The following RASSF4 variants were observed in gnomAD, a reference collection of about 807,000 sequenced individuals.
The protein encoded by RASSF4 is Ras association domain family member 4, also known as ras association domain-containing protein 4.
A neutral mutation model predicts 41.1 loss-of-function variants in RASSF4; 38 were observed. That is an observed-to-expected ratio of 0.92 (90% confidence interval 0.71 to 1.21). The LOEUF (loss-of-function observed/expected upper bound fraction) is 1.21, where lower values mean the gene tolerates loss of function less well. Ranked by LOEUF, RASSF4 falls within the 50% of genes most tolerant of loss-of-function variation. The probability of loss-of-function intolerance (pLI) is 0.00; values close to 1 mark genes in which losing one functional copy is unlikely to be tolerated. For missense variants in RASSF4, 414 were observed against 419.4 expected (o/e 0.99, Z 0.11); for synonymous variants, 179 against 163.4 (o/e 1.10, Z -0.73).
intron 6 of RASSF4, among the ~76,000 whole-genome samples, chr10:44,987,126 G>A (rs961148947): frequency 6.6e-6 from 1 of 152,118 alleles, no homozygotes; most frequent in Non-Finnish European, 1.5e-5. Flanking sequence ...TTTTATTTGA[G>A]ATGGAGTCTC....
In RASSF4 at chr10:44,984,929, C is replaced by T. The variant is rs182171272; in HGVS notation, c.490C>T (p.Arg164Ter). 68 of 1,613,150 alleles carry T rather than the reference C, an allele frequency of 4.2e-5. No homozygotes were observed. In the Admixed American group the frequency reaches 7.3e-4, roughly 17 times the overall value. The change falls in exon 6 of 11, where the codon CGA (arginine) becomes TGA (stop). Residue 164 changes from arginine (R) to a stop codon, truncating the protein, a stop_gained. Coordinates refer to ENST00000340258, the MANE Select transcript of RASSF4 (RefSeq NM_032023.4). LOFTEE classifies it high-confidence loss of function. ...CCCCGGTGAGGCCCAGCGCATCCGG[C>T]GACACCGGTTCTCTATCAACGGCCA... ...RAPGEAQRIR[R>*]HRFSINGHFY...
chr10:44,969,234 T>C lies in RASSF4; in HGVS notation c.-38-931T>C, dbSNP rs1841042970. Among the ~76,000 whole-genome samples the C allele has an allele frequency of 2.0e-5, 3 of 152,102 alleles. No individual in the cohort carries two copies. The South Asian group carries it at 6.2e-4, about 32-fold the overall frequency. ...GGGGAGAGAGAGGAACAGGAAGCTG[T>C]GCAGATGCCAACAGGTTCGAGAAAG... On this transcript the variant is annotated intron_variant, in intron 1 of 10. Coordinates refer to ENST00000340258, the MANE Select transcript of RASSF4 (RefSeq NM_032023.4).
chr10:44,982,983 C>T (rs1841780544), intron 4 of RASSF4: 1 of 618,646 alleles, frequency 1.6e-6, no homozygotes, highest in African/African-American at 1.8e-5. Context: ...ACATGTCTCG[C>T]CATCTCTTGT....
intron 9 of RASSF4, 158 bp downstream of exon 9, chr10:44,991,227 G>A: frequency 1.8e-6 from 1 of 562,910 alleles, no homozygotes; most frequent in Non-Finnish European, 2.8e-6. Flanking sequence ...GGAGGCGCCA[G>A]CCCTCCCTCT....
rs757576234 is a variant in RASSF4, at chr10:44,984,852, G to A, written c.413G>A (p.Arg138Gln). 39 of 1,613,508 alleles carry A rather than the reference G, an allele frequency of 2.4e-5. No homozygotes were observed. Among genetic ancestry groups the A allele is most frequent in the Middle Eastern group, 3.3e-4 (2 of 6,084 alleles). The change falls in exon 6 of 11, where the codon CGG becomes CAG. Residue 138 changes from arginine to glutamine, a missense_variant. By Grantham distance (43) the Arg-to-Gln change is conservative. Transcript: ENST00000340258. ...GCAGAGGAGGCCCCCCAGCTGATGCGGACCAAGAGCGACGCCAGTTGCATG... is the reference window on the plus strand; with the variant it reads ...GCAGAGGAGGCCCCCCAGCTGATGCAGACCAAGAGCGACGCCAGTTGCATG... Reference protein sequence around the residue: ...EEAEEAPQLMRTKSDASCMSQ... With the variant: ...EEAEEAPQLMQTKSDASCMSQ...
intron 6 of RASSF4, among the ~76,000 whole-genome samples, chr10:44,986,201 T>C (rs1393343497): frequency 6.6e-6 from 1 of 152,194 alleles, no homozygotes; most frequent in African/African-American, 2.4e-5. Context: ...GGGGCAGGGA[T>C]GTTTTGCTCC....
At chr10:44,977,953 A>T (rs1471746088) in intron 3 of RASSF4, 2 of 1,611,704 alleles carry the variant, frequency 1.2e-6, no homozygotes, top group Non-Finnish European at 1.7e-6. Context: ...CCTGTCCAGG[A>T]CCCCCAAGCA....
At chr10:44,962,557 G>A (rs190412144) in intron 1 of RASSF4, among the ~76,000 whole-genome samples, 208 of 152,332 alleles carry the variant, frequency 1.4e-3, no homozygotes, top group Non-Finnish European at 2.5e-3. Flanking sequence ...ACAGGTGAGG[G>A]CAGCCGTAGA....
chr10:44,985,040 C>G, intron 6 of RASSF4, 70 bp downstream of exon 6: 2 of 1,531,298 alleles, frequency 1.3e-6, no homozygotes, highest in Non-Finnish European at 1.8e-6. Flanking sequence ...ACAGCAAGCA[C>G]CATGACCTGT....
Position 44,971,838 on chromosome 10 carries a change from G to T in RASSF4, c.128G>T (p.Arg43Ile). Residue 43 changes from arginine (R) to isoleucine (I), a missense_variant, in exon 3 of 11, where the codon AGA (arginine) becomes ATA (isoleucine). Coordinates refer to ENST00000340258, the MANE Select transcript of RASSF4 (RefSeq NM_032023.4). ...CATGAGGGCAAGAGCTTCCAGCTGA[G>T]ACACCGTGAGGTGAGCCTGTTGCTC... Reference protein sequence around the residue: ...CYHEGKSFQLRHREEEGTLII... With the variant: ...CYHEGKSFQLIHREEEGTLII... 1.2e-6 allele frequency: 2 copies of T among 1,611,268 alleles called. No homozygotes were observed. The highest frequency in any genetic ancestry group is 1.7e-6 in the Non-Finnish European group (2 of 1,177,758).
Position 44,971,880 on chromosome 10 carries a change from C to T in RASSF4, c.138+32C>T, listed in dbSNP as rs376357490. On this transcript the variant is annotated intron_variant, in intron 3 of 10. Coordinates refer to ENST00000340258, the MANE Select transcript of RASSF4 (RefSeq NM_032023.4). Reference sequence around the variant, plus strand: ...CTGTTGCTCTTGTTCATGGGGTCACCATGTACCCTGGGAGGCCCTGCCTGA... The same window carrying T: ...CTGTTGCTCTTGTTCATGGGGTCACTATGTACCCTGGGAGGCCCTGCCTGA... The T allele has an allele frequency of 2.7e-5, 41 of 1,537,684 alleles. No individual in the cohort carries two copies. The African/African-American group carries it at 5.2e-4, about 19-fold the overall frequency.
chr10:44,971,647 T>A (rs1361656696), intron 2 of RASSF4, 126 bp from the exon 3 acceptor site: 1 of 802,242 alleles, frequency 1.2e-6, no homozygotes, highest in Admixed American at 1.7e-5. Flanking sequence ...TGGTTATGCC[T>A]GGCCGGCGAG....
At chr10:44,969,365 C>G (rs1188979577) in intron 1 of RASSF4, among the ~76,000 whole-genome samples, 1 of 151,958 alleles carries the variant, frequency 6.6e-6, no homozygotes, top group Non-Finnish European at 1.5e-5. Flanking sequence ...GTGTGTGGAA[C>G]AGTGTGTGTG....
At position 44,989,337 on chromosome 10, in the gene RASSF4, A is replaced by T; in HGVS notation, c.595A>T (p.Thr199Ser). Reference sequence around the variant, plus strand: ...TGTGAGGGTCAACAGCACCATGACAACCCTGCAGGTGCTCACCCTGCTGCT... The same window carrying T: ...TGTGAGGGTCAACAGCACCATGACATCCCTGCAGGTGCTCACCCTGCTGCT... ...TNVRVNSTMT[T>S]LQVLTLLLNK... The change falls in exon 7 of 11, where the codon ACC (threonine) becomes TCC (serine). Residue 199 changes from threonine to serine, a missense_variant. By Grantham distance (58) the Thr-to-Ser change is moderately conservative. Coordinates refer to ENST00000340258, the MANE Select transcript of RASSF4 (RefSeq NM_032023.4). 6.2e-7 allele frequency: 1 copy of T among 1,613,820 alleles called. No homozygotes were observed. The highest frequency in any genetic ancestry group is 1.3e-5 in the African/African-American group (1 of 74,998).
chr10:44,992,034 C>A, intron 10 of RASSF4, 32 bp downstream of exon 10: 1 of 1,424,384 alleles, frequency 7.0e-7, no homozygotes, highest in Non-Finnish European at 9.9e-7. Context: ...AGTCATGGGT[C>A]CTGAACATCA....
chr10:44,992,094 C>A, intron 10 of RASSF4, 92 bp downstream of exon 10: 1 of 776,294 alleles, frequency 1.3e-6, no homozygotes, highest in Non-Finnish European at 2.2e-6. Context: ...GGTCTCTCTC[C>A]TCCATGGGCA....
chr10:44,979,082 G>A (rs1259448802), intron 3 of RASSF4, among the ~76,000 whole-genome samples: 2 of 152,168 alleles, frequency 1.3e-5, no homozygotes, highest in Non-Finnish European at 2.9e-5. Flanking sequence ...GGTAGCCCCA[G>A]GGCCACCCCT....
chr10:44,977,471 A>G, intron 3 of RASSF4: 1 of 1,612,476 alleles, frequency 6.2e-7, no homozygotes. Context: ...GCGGGAGGCC[A>G]TGGCTTGGGC....
chr10:44,970,294 G>A (rs1208731233), intron 2 of RASSF4, 30 bp downstream of exon 2: 4 of 1,595,488 alleles, frequency 2.5e-6, no homozygotes, highest in Non-Finnish European at 3.4e-6. Flanking sequence ...TTGGGCGGGG[G>A]AGTCTTCACA....
Sources: allele counts gnomAD v4.1 joint callset (sites outside exome capture counted in the v4.1 genomes callset), GRCh38; gene constraint gnomAD v4.1.1; transcripts MANE v1.5; gene names NCBI Gene and HGNC (gene_info 2026-07-23, HGNC 2026-07-21).